VDAC2: variants seen among roughly 807,000 people sequenced by gnomAD.
VDAC2 encodes voltage dependent anion channel 2.
In VDAC2, 6 loss-of-function variants were observed where a neutral mutation model predicts 36.6. The observed-to-expected ratio is 0.16, with a 90% CI of 0.09 to 0.32. VDAC2 has a LOEUF of 0.32. VDAC2 is among the 10% of genes least tolerant of loss of function. VDAC2 has a pLI of 1.00. For missense variants in VDAC2, 247 were observed against 346.0 expected (o/e 0.71, Z 2.27); for synonymous variants, 109 against 123.8 (o/e 0.88, Z 0.79).
chr10:75,213,739 G>A (rs148440748), intron 3 of VDAC2, among the ~76,000 whole-genome samples: 3,246 of 152,026 alleles, frequency 0.021, 126 homozygotes, highest in African/African-American at 0.073. Context: ...GTGAGACTCC[G>A]TCTCAAAATA....
intron 4 of VDAC2, chr10:75,217,819 A>G (rs369541680): frequency 1.4e-5 from 14 of 968,154 alleles, no homozygotes; most frequent in East Asian, 6.3e-5. Flanking sequence ...CAAATGTTCT[A>G]TTTTCTGAGA....
intron 8 of VDAC2, among the ~76,000 whole-genome samples, chr10:75,227,955 C>G (rs1037686512): frequency 6.7e-6 from 1 of 149,126 alleles, no homozygotes; most frequent in Admixed American, 6.7e-5. Flanking sequence ...AGTGCAGTGG[C>G]AAGATCTCCA....
chr10:75,223,746 A>C (rs1457994849), intron 8 of VDAC2, among the ~76,000 whole-genome samples: 5 of 152,132 alleles, frequency 3.3e-5, no homozygotes, highest in African/African-American at 1.2e-4. Flanking sequence ...TAGTCAGTGG[A>C]GAGACCAAGG....
At chr10:75,212,198 A>G in intron 2 of VDAC2, 32 bp from the exon 3 acceptor site, 2 of 1,592,338 alleles carry the variant, frequency 1.3e-6, no homozygotes, top group Non-Finnish European at 1.7e-6. Context: ...GAGAATAGAG[A>G]CATTAACACT....
chr10:75,213,292 C>T (rs932383551), intron 3 of VDAC2, among the ~76,000 whole-genome samples: 2 of 150,718 alleles, frequency 1.3e-5, no homozygotes, highest in Admixed American at 6.6e-5. Context: ...GTTGGCCAGG[C>T]TGGTTTTGAA....
At chr10:75,211,466 G>T in intron 2 of VDAC2, 2 of 1,507,196 alleles carry the variant, frequency 1.3e-6, no homozygotes, top group Non-Finnish European at 1.8e-6. Context: ...GTTAATTGGG[G>T]ATTCTGCCTT....
intron 8 of VDAC2, among the ~76,000 whole-genome samples, chr10:75,225,396 G>C (rs1324622858): frequency 1.3e-5 from 2 of 152,200 alleles, no homozygotes; most frequent in Non-Finnish European, 2.9e-5. Context: ...AGCTCCATTT[G>C]GCCCTTGTTA....
intron 6 of VDAC2, 72 bp downstream of exon 6, chr10:75,219,428 AT>A: frequency 7.7e-7 from 1 of 1,296,900 alleles, no homozygotes; most frequent in Non-Finnish European, 1.1e-6. Flanking sequence ...AAAGGTGTAC[AT>A]TTACTGTTTG....
intron 2 of VDAC2, among the ~76,000 whole-genome samples, chr10:75,211,987 T>G (rs1841437818): frequency 6.6e-6 from 1 of 152,234 alleles, no homozygotes; most frequent in Admixed American, 6.5e-5. Flanking sequence ...AATAGACTGT[T>G]TTTCCGTTTT....
chr10:75,216,540 C>T (rs1841610886), intron 4 of VDAC2, among the ~76,000 whole-genome samples: 1 of 152,192 alleles, frequency 6.6e-6, no homozygotes, highest in African/African-American at 2.4e-5. Context: ...CCATTAATAC[C>T]TGGCTCTGTT....
At chr10:75,228,051 C>T (rs1401353370) in intron 8 of VDAC2, among the ~76,000 whole-genome samples, 4 of 151,600 alleles carry the variant, frequency 2.6e-5, no homozygotes, top group Non-Finnish European at 5.9e-5. Flanking sequence ...CCCACCACCA[C>T]GCCCGGCTAA....
At position 75,219,358 on chromosome 10, in the gene VDAC2, T is replaced by G; in HGVS notation, c.356+2T>G. On this transcript the variant is annotated splice_donor_variant, in intron 6 of 9. Coordinates refer to ENST00000332211, the MANE Select transcript of VDAC2 (RefSeq NM_001391963.1). LOFTEE classifies it high-confidence loss of function. ...TACTACCTTCTCACCAAACACAGGG[T>G]AAGCACAGACATTTTTATCTGTATT... 6.3e-7 allele frequency: 1 copy of G among 1,593,164 alleles called. No individual in the cohort carries two copies. Among genetic ancestry groups the G allele is most frequent in the Non-Finnish European group, 8.6e-7 (1 of 1,168,632 alleles).
At chr10:75,230,804 C>T in intron 9 of VDAC2, 94 bp from the exon 10 acceptor site, 1 of 1,055,042 alleles carries the variant, frequency 9.5e-7, no homozygotes, top group Non-Finnish European at 1.4e-6. Context: ...AAGTGACAGG[C>T]AGGCTCTGGG....
chr10:75,218,069 CAG>C (rs1841661966), intron 4 of VDAC2: 6 of 478,686 alleles, frequency 1.3e-5, no homozygotes, highest in South Asian at 9.8e-5. Flanking sequence ...GCTTGGGTGA[CAG>C]AGGCAAGATG....
chr10:75,225,953 C>A (rs1229819025), intron 8 of VDAC2, among the ~76,000 whole-genome samples: 9 of 152,054 alleles, frequency 5.9e-5, no homozygotes. Context: ...CTACCACACT[C>A]GGCTAATTTT....
intron 8 of VDAC2, among the ~76,000 whole-genome samples, chr10:75,228,576 A>G (rs771996852): frequency 5.3e-5 from 8 of 152,212 alleles, no homozygotes; most frequent in Non-Finnish European, 8.8e-5. Context: ...TTAGATGGTC[A>G]TTGGTAGCTC....
chr10:75,231,014 A>T lies in VDAC2; in HGVS notation c.*25A>T. ...ATCCAGCTGAAAGAAACCTTTGGGAATGGATATCAGAAGATTTGGCCTTAA... is the reference window on the plus strand; with the variant it reads ...ATCCAGCTGAAAGAAACCTTTGGGATTGGATATCAGAAGATTTGGCCTTAA... On this transcript the variant is annotated 3_prime_UTR_variant, in exon 10 of 10. Coordinates refer to ENST00000332211, the MANE Select transcript of VDAC2 (RefSeq NM_001391963.1). 2.5e-6 allele frequency: 4 copies of T among 1,573,110 alleles called. No homozygotes were observed. The highest frequency in any genetic ancestry group is 3.5e-6 in the Non-Finnish European group (4 of 1,148,042).
chr10:75,219,784 C>T (rs897071627), intron 6 of VDAC2, among the ~76,000 whole-genome samples: 2 of 138,866 alleles, frequency 1.4e-5, no homozygotes, highest in African/African-American at 5.3e-5. Flanking sequence ...CACGCCCAGC[C>T]TTTTTTTTTT....
chr10:75,211,844 AGGTTTC>A (rs967943300), intron 2 of VDAC2, among the ~76,000 whole-genome samples: 2 of 152,212 alleles, frequency 1.3e-5, no homozygotes, highest in African/African-American at 4.8e-5. Context: ...GCCTAGTCTT[AGGTTTC>A]GGTTTTATCT....
Sources: allele counts gnomAD v4.1 joint callset (sites outside exome capture counted in the v4.1 genomes callset), GRCh38; gene constraint gnomAD v4.1.1; transcripts MANE v1.5; gene names NCBI Gene and HGNC (gene_info 2026-07-23, HGNC 2026-07-21).